The following HS6ST3 variants were observed in gnomAD, a reference collection of about 807,000 sequenced individuals.
HS6ST3 encodes heparan sulfate 6-O-sulfotransferase 3.
HS6ST3 carries 12 observed loss-of-function variants against 36.7 expected under a neutral mutation model. The observed-to-expected ratio is 0.33, with a 90% CI of 0.21 to 0.53. The LOEUF is 0.53. Among genes scored for constraint, HS6ST3 ranks in the 20% least tolerant of loss-of-function variants. HS6ST3 has a pLI of 0.95. For synonymous variants in HS6ST3, 240 were observed against 257.5 expected (o/e 0.93, Z 0.65); for missense variants, 584 against 640.9 (o/e 0.91, Z 0.96).
At chr13:96,411,864 A>G (rs942826310) in intron 1 of HS6ST3, among the ~76,000 whole-genome samples, 1 of 152,282 alleles carries the variant, frequency 6.6e-6, no homozygotes, top group Non-Finnish European at 1.5e-5. Flanking sequence ...GATAGGAAGA[A>G]ATCTATAATG....
chr13:96,292,022 G>A (rs1180934838), intron 1 of HS6ST3, among the ~76,000 whole-genome samples: 2 of 152,106 alleles, frequency 1.3e-5, no homozygotes, highest in Non-Finnish European at 2.9e-5. Flanking sequence ...AATATGCTTA[G>A]AAAACCTTGA....
chr13:96,651,429 C>A (rs1470969965), intron 1 of HS6ST3, among the ~76,000 whole-genome samples: 1 of 151,936 alleles, frequency 6.6e-6, no homozygotes, highest in Non-Finnish European at 1.5e-5. Flanking sequence ...CTCAGCGGGG[C>A]ACCTACCCCA....
intron 1 of HS6ST3, among the ~76,000 whole-genome samples, chr13:96,151,073 A>G (rs1458344285): frequency 2.6e-5 from 4 of 152,104 alleles, no homozygotes; most frequent in Admixed American, 6.5e-5. Context: ...CGGGACATCC[A>G]TGTGAAATAA....
intron 1 of HS6ST3, among the ~76,000 whole-genome samples, chr13:96,756,517 C>G (rs1876834748): frequency 6.6e-6 from 1 of 152,126 alleles, no homozygotes; most frequent in South Asian, 2.1e-4. Context: ...ATGTTAGAAT[C>G]AGCTTGTTAA....
chr13:96,391,389 A>T (rs770487961), intron 1 of HS6ST3, among the ~76,000 whole-genome samples: 1 of 152,176 alleles, frequency 6.6e-6, no homozygotes, highest in Non-Finnish European at 1.5e-5. Context: ...ATCAGTACTC[A>T]TGCACTTTCA....
At chr13:96,621,403 C>T (rs1175741637) in intron 1 of HS6ST3, among the ~76,000 whole-genome samples, 5 of 152,156 alleles carry the variant, frequency 3.3e-5, no homozygotes, top group African/African-American at 4.8e-5. Context: ...TCACTTCCCT[C>T]CTGCCACCTT....
rs150492469 is a variant in HS6ST3, at chr13:96,240,274, T to C, written c.707+148705T>C. Among the ~76,000 whole-genome samples, 873 of 152,222 alleles carry C rather than the reference T, an allele frequency of 5.7e-3. 1 individual carries two copies. The highest frequency in any genetic ancestry group is 0.013 in the South Asian group (62 of 4,820). ...TTAGACAGGTTGCTCCAGTGACATA[T>C]TATGTGTGCTGTGATTGAGAAATTA... On this transcript the variant is annotated intron_variant, in intron 1 of 1. Coordinates refer to ENST00000376705, the MANE Select transcript of HS6ST3 (RefSeq NM_153456.4).
At chr13:96,211,911 G>A (rs1184293350) in intron 1 of HS6ST3, among the ~76,000 whole-genome samples, 8 of 152,126 alleles carry the variant, frequency 5.3e-5, no homozygotes, top group Non-Finnish European at 7.3e-5. Context: ...TGAGATAAAT[G>A]GGAACTGGAA....
intron 1 of HS6ST3, among the ~76,000 whole-genome samples, chr13:96,455,376 T>A (rs1225490896): frequency 6.6e-6 from 1 of 152,104 alleles, no homozygotes; most frequent in Non-Finnish European, 1.5e-5. Context: ...TGTACCACTA[T>A]GCCCAGCTAC....
intron 1 of HS6ST3, among the ~76,000 whole-genome samples, chr13:96,805,365 C>T (rs898329298): frequency 2.0e-5 from 3 of 152,134 alleles, no homozygotes; most frequent in African/African-American, 7.2e-5. Context: ...AAGATGTACC[C>T]TGCTTCTCCT....
chr13:96,199,080 A>G (rs2054328668), intron 1 of HS6ST3, among the ~76,000 whole-genome samples: 1 of 152,216 alleles, frequency 6.6e-6, no homozygotes, highest in Admixed American at 6.5e-5. Context: ...AACCCATCAG[A>G]TCTCGTGAGA....
chr13:96,536,944 T>C (rs2056157884), intron 1 of HS6ST3, among the ~76,000 whole-genome samples: 2 of 152,206 alleles, frequency 1.3e-5, no homozygotes, highest in South Asian at 4.1e-4. Context: ...TGAATAGTCA[T>C]TATTTAAACA....
intron 1 of HS6ST3, among the ~76,000 whole-genome samples, chr13:96,497,770 A>G (rs979556223): frequency 2.6e-5 from 4 of 152,136 alleles, no homozygotes; most frequent in East Asian, 1.9e-4. Flanking sequence ...CTCCAGCCCT[A>G]TATCATGTTG....
rs145595706 is a variant in HS6ST3 at position 96,629,160 on chromosome 13, A to C, written c.708-203330A>C. Among the ~76,000 whole-genome samples, 1,119 of 152,014 alleles carry C rather than the reference A, an allele frequency of 7.4e-3. 8 individuals are homozygous for C. The highest frequency in any genetic ancestry group is 0.012 in the Non-Finnish European group (843 of 67,948). On this transcript the variant is annotated intron_variant, in intron 1 of 1. Transcript: ENST00000376705. ...CACAATTTAAAATTATCTTAATCTT[A>C]CTCTCATTCCAACTGTTCCAAAGAC...
chr13:96,305,506 A>G (rs968563253), intron 1 of HS6ST3, among the ~76,000 whole-genome samples: 7 of 152,208 alleles, frequency 4.6e-5, no homozygotes, highest in African/African-American at 1.7e-4. Flanking sequence ...GGATCTGTAC[A>G]GATTTTACTG....
intron 1 of HS6ST3, among the ~76,000 whole-genome samples, chr13:96,791,520 C>T (rs913073943): frequency 2.0e-5 from 3 of 151,922 alleles, no homozygotes; most frequent in Admixed American, 2.0e-4. Context: ...TCAAACTTGA[C>T]ATATGGGATG....
At chr13:96,577,419 G>T (rs2138966446) in intron 1 of HS6ST3, among the ~76,000 whole-genome samples, 1 of 152,282 alleles carries the variant, frequency 6.6e-6, no homozygotes, top group Non-Finnish European at 1.5e-5. Context: ...TATCCTTGAT[G>T]TAGATTTAGG....
chr13:96,235,980 C>A (rs1249540241), intron 1 of HS6ST3, among the ~76,000 whole-genome samples: 2 of 152,120 alleles, frequency 1.3e-5, no homozygotes, highest in Non-Finnish European at 2.9e-5. Flanking sequence ...CTCAGAAGTA[C>A]GGAAGCCAAC....
At chr13:96,446,843 T>G (rs2055701442) in intron 1 of HS6ST3, among the ~76,000 whole-genome samples, 1 of 152,204 alleles carries the variant, frequency 6.6e-6, no homozygotes. Context: ...CAGTTCGCCC[T>G]CGAAATGTGG....
Sources: allele counts gnomAD v4.1 joint callset (sites outside exome capture counted in the v4.1 genomes callset), GRCh38; gene constraint gnomAD v4.1.1; transcripts MANE v1.5; gene names NCBI Gene and HGNC (gene_info 2026-07-23, HGNC 2026-07-21).